The following ADAT2 variants were observed in gnomAD, a reference collection of about 807,000 sequenced individuals.
The protein encoded by ADAT2 is tRNA-specific adenosine-34 deaminase catalytic subunit ADAT2.
In ADAT2, 26 loss-of-function variants were observed where a neutral mutation model predicts 25.9. The ratio of observed to expected loss-of-function variants is 1.00; its 90% confidence interval spans 0.74 to 1.39. The LOEUF (loss-of-function observed/expected upper bound fraction) is 1.39. Ranked by LOEUF, ADAT2 falls within the 40% of genes most tolerant of loss-of-function variation. The pLI is 0.00. For missense variants in ADAT2, 220 were observed against 244.8 expected (o/e 0.90, Z 0.68); for synonymous variants, 76 against 86.8 (o/e 0.88, Z 0.69).
At chr6:143,448,021 G>T (rs891178798) in intron 1 of ADAT2, among the ~76,000 whole-genome samples, 3 of 152,156 alleles carry the variant, frequency 2.0e-5, no homozygotes, top group South Asian at 2.1e-4. Context: ...TTATAGACTG[G>T]ATTAAGCAAA....
intron 4 of ADAT2, among the ~76,000 whole-genome samples, chr6:143,430,544 T>C (rs1031866491): frequency 1.3e-5 from 2 of 151,410 alleles, no homozygotes; most frequent in African/African-American, 4.9e-5. Context: ...ATTTGTGGTG[T>C]TAATAAAAAG....
In ADAT2 at chr6:143,432,010, C is replaced by T. The variant is rs1422350157; in HGVS notation, c.459+495G>A. ...GGGAAATTTCAACATTAAAAAGACA[C>T]ACAAAAAAAGACATGAAAATACAGT... On this transcript the variant is annotated intron_variant, in intron 4 of 5. Transcript: ENST00000237283. The surrounding 1 kb of genome is among the most constrained non-coding windows in gnomAD (Gnocchi z 4.4). Among the ~76,000 whole-genome samples, 2 of 151,900 alleles carry T rather than the reference C, an allele frequency of 1.3e-5. No individual in the cohort carries two copies. The highest frequency in any genetic ancestry group is 2.9e-5 in the Non-Finnish European group (2 of 67,968).
At position 143,425,733 on chromosome 6, in the gene ADAT2, T is replaced by TGTGTGTGTGTGTGTGTGTGTGTG. The variant is rs1778912429; in HGVS notation, c.*2729_*2730insCACACACACACACACACACACAC. On this transcript the variant is annotated 3_prime_UTR_variant, in exon 6 of 6. Transcript: ENST00000237283. ...GGTAAAGGGCCATGGTGTGTTGTGT[T>TGTGTGTGTGTGTGTGTGTGTGTG]TGTGTGTGTGTGTGTGTGTGTGTGT... 5 of 136,586 alleles carry TGTGTGTGTGTGTGTGTGTGTGTG rather than the reference T, an allele frequency of 3.7e-5. No homozygotes were observed. Among genetic ancestry groups the TGTGTGTGTGTGTGTGTGTGTGTG allele is most frequent in the Admixed American group, 1.5e-4 (2 of 13,572 alleles). 8.5% of individuals were successfully genotyped at this position (136,586 alleles called of 1,614,324 possible). A position where few individuals can be genotyped will look rare whatever the true frequency, so the allele number is the denominator to read the frequency against.
intron 4 of ADAT2, among the ~76,000 whole-genome samples, chr6:143,429,930 C>A (rs2128738652): frequency 6.6e-6 from 1 of 152,312 alleles, no homozygotes; most frequent in East Asian, 1.9e-4. Context: ...AAGGCTGACA[C>A]CCTGCTCCTG....
In ADAT2 at chr6:143,432,569, C is replaced by T. The variant is rs1779146935; in HGVS notation, c.395G>A (p.Gly132Asp). 2 of 1,614,182 alleles carry T rather than the reference C, an allele frequency of 1.2e-6. No individual in the cohort carries two copies. Among genetic ancestry groups the T allele is most frequent in the South Asian group, 1.1e-5 (1 of 91,074 alleles). ...AATATTTAGAACAGAGCCACAACCA[C>T]CAAATCGTTCATTCTGACAGCCATA... is the stretch of plus-strand genomic sequence containing the variant. ...VVYGCQNERF[G>D]GCGSVLNIAS... Residue 132 changes from glycine to aspartate, a missense_variant, in exon 4 of 6, where the codon GGT (glycine) becomes GAT (aspartate). Gly to Asp is a moderately conservative substitution (Grantham distance 94). Transcript: ENST00000237283. The surrounding 1 kb of genome is among the most constrained non-coding windows in gnomAD (Gnocchi z 4.4).
Position 143,438,621 on chromosome 6 carries a change from T to G in ADAT2, c.170A>C (p.Lys57Thr). Residue 57 changes from lysine (K) to threonine (T), a missense_variant, in exon 2 of 6, where the codon AAG becomes ACG. Physicochemically the swap from Lys to Thr is moderately conservative, Grantham distance 78. Transcript: ENST00000237283. ...LMVYNNEVVG[K>T]GRNEVNQTKN... Reference sequence around the variant, plus strand: ...GGTTTGGTTAACTTCATTTCTCCCCTTCCCTACAACTTCATTGTTGTAGAC... The same window carrying G: ...GGTTTGGTTAACTTCATTTCTCCCCGTCCCTACAACTTCATTGTTGTAGAC... 6.2e-7 allele frequency: 1 copy of G among 1,613,382 alleles called. No homozygotes were observed. The highest frequency in any genetic ancestry group is 8.5e-7 in the Non-Finnish European group (1 of 1,179,426).
chr6:143,439,691 G>C (rs1295577476), intron 1 of ADAT2, among the ~76,000 whole-genome samples: 1 of 152,192 alleles, frequency 6.6e-6, no homozygotes, highest in Non-Finnish European at 1.5e-5. Context: ...AGGATGTGCA[G>C]ATTGATTGGG....
At chr6:143,449,583 C>A (rs988234302) in intron 1 of ADAT2, among the ~76,000 whole-genome samples, 3 of 152,188 alleles carry the variant, frequency 2.0e-5, no homozygotes. Context: ...GGCTACATGT[C>A]ACTGGGCAAC....
rs556146930 is a variant in ADAT2, at chr6:143,429,362, AAAAT to A, written c.460-682_460-679del. On this transcript the variant is annotated intron_variant, in intron 4 of 5. Transcript: ENST00000237283. ...CAACCCTTGCTACAGAGGATTTTAAAAAATAAAATACAGCTTGTTCTATCTTTAG... is the reference window on the plus strand; with the variant it reads ...CAACCCTTGCTACAGAGGATTTTAAAAAAATACAGCTTGTTCTATCTTTAG... 3.3e-3 allele frequency among the ~76,000 whole-genome samples: 508 copies of A among 152,344 alleles called. 1 individual carries two copies. Among genetic ancestry groups the A allele is most frequent in the Non-Finnish European group, 5.8e-3 (394 of 68,020 alleles).
rs903564188 is a variant in ADAT2 at position 143,437,277 on chromosome 6, C to G, written c.201+1313G>C. Among the ~76,000 whole-genome samples the G allele has an allele frequency of 6.6e-6, 1 of 152,192 alleles. No homozygotes were observed. The highest frequency in any genetic ancestry group is 1.5e-5 in the Non-Finnish European group (1 of 68,020). On this transcript the variant is annotated intron_variant, in intron 2 of 5. Coordinates refer to ENST00000237283, the MANE Select transcript of ADAT2 (RefSeq NM_182503.3). This position sits in a 1 kb window ranked among gnomAD's most constrained non-coding sequence, Gnocchi z 4.1. ...CCAGTGTTTGAACGTTTCCCATTCC[C>G]TAAAACTGTTCAAACATTAGATATC...
chr6:143,427,096 A>ACAC lies in ADAT2; in HGVS notation c.*1366_*1367insGTG, dbSNP rs1778954292. ...CCATAAAACTTTTCAAATGCAGTTA[A>ACAC]ACACACACACACACACACACACACA... On this transcript the variant is annotated 3_prime_UTR_variant, in exon 6 of 6. Transcript: ENST00000237283. 2.1e-5 allele frequency: 3 copies of ACAC among 140,176 alleles called. No individual in the cohort carries two copies. The highest frequency in any genetic ancestry group is 3.1e-5 in the Non-Finnish European group (2 of 64,902). 8.7% of individuals were successfully genotyped at this position (140,176 alleles called of 1,614,324 possible).
intron 1 of ADAT2, chr6:143,441,644 G>A (rs541574232): frequency 6.6e-6 from 1 of 152,178 alleles, no homozygotes; most frequent in Non-Finnish European, 1.5e-5. Flanking sequence ...TCCTCCCCAT[G>A]ATCCAAACTT....
rs141783725 is a variant in ADAT2 at position 143,439,960 on chromosome 6, G to A, written c.97-1266C>T. 1.2e-3 allele frequency among the ~76,000 whole-genome samples: 186 copies of A among 152,210 alleles called. 1 individual carries two copies. Among genetic ancestry groups the A allele is most frequent in the African/African-American group, 3.9e-3 (162 of 41,542 alleles). On this transcript the variant is annotated intron_variant, in intron 1 of 5. Coordinates refer to ENST00000237283, the MANE Select transcript of ADAT2 (RefSeq NM_182503.3). ...AAGTTCCCTTTATCACAGGCCATTCGTTTTTCTTCTTGTCCCATGATAGCA... is the reference window on the plus strand; with the variant it reads ...AAGTTCCCTTTATCACAGGCCATTCATTTTTCTTCTTGTCCCATGATAGCA...
rs768005661 is a variant in ADAT2, at chr6:143,446,145, G to A, written c.96+4418C>T. Among the ~76,000 whole-genome samples, 3 of 150,504 alleles carry A rather than the reference G, an allele frequency of 2.0e-5. No homozygotes were observed. Among genetic ancestry groups the A allele is most frequent in the African/African-American group, 7.3e-5 (3 of 41,008 alleles). ...ATAATCCCTGTTATTCTGAAGCAAC[G>A]GGGGTTTTTTCTGTTTTTTCCTATG... On this transcript the variant is annotated intron_variant, in intron 1 of 5. Coordinates refer to ENST00000237283, the MANE Select transcript of ADAT2 (RefSeq NM_182503.3). This position sits in a 1 kb window ranked among gnomAD's most constrained non-coding sequence, Gnocchi z 5.0.
chr6:143,436,606 G>T lies in ADAT2; in HGVS notation c.201+1984C>A, dbSNP rs1328812125. On this transcript the variant is annotated intron_variant, in intron 2 of 5. Transcript: ENST00000237283. The surrounding 1 kb of genome is among the most constrained non-coding windows in gnomAD (Gnocchi z 4.1). ...GAATGAGATGGAATTCACTGGGGCC[G>T]AGAGCAACATGAATGACCTGGTATC... is the stretch of plus-strand genomic sequence containing the variant. 4 of 407,458 alleles carry T rather than the reference G, an allele frequency of 9.8e-6. No individual in the cohort carries two copies. The highest frequency in any genetic ancestry group is 1.5e-5 in the Non-Finnish European group (3 of 201,022). The allele number at this position is 407,458 out of a possible 1,614,324, so 25.2% of individuals were successfully genotyped here.
intron 1 of ADAT2, among the ~76,000 whole-genome samples, chr6:143,443,731 T>C (rs1779523529): frequency 6.6e-6 from 1 of 151,432 alleles, no homozygotes; most frequent in African/African-American, 2.4e-5. Context: ...CTTGGGAGGC[T>C]GAGGCATGAG....
rs1281825949 is a variant in ADAT2, at chr6:143,450,655, C to G, written c.4G>C (p.Glu2Gln). M[E>Q]AKAAPKPAAS... is the part of the protein sequence containing the mutation. ...GCTGGCTTGGGTGCCGCCTTCGCCT[C>G]CATACCCAGCCACCACTCAGCTACA... is the stretch of plus-strand genomic sequence containing the variant. The change falls in exon 1 of 6, where the codon GAG becomes CAG. Residue 2 changes from glutamate (E) to glutamine (Q), a missense_variant. Glu to Gln is a conservative substitution (Grantham distance 29, BLOSUM62 2). Transcript: ENST00000237283. 1 of 1,613,120 alleles carries G rather than the reference C, an allele frequency of 6.2e-7. No homozygotes were observed. Among genetic ancestry groups the G allele is most frequent in the Non-Finnish European group, 8.5e-7 (1 of 1,180,006 alleles).
rs1779329984 is a variant in ADAT2 at position 143,437,636 on chromosome 6, T to C, written c.201+954A>G. ...TATTTTATGGCTAAAAATAAATAAGTAAATAAATGATTTGTGAATCTGGAT... is the reference window on the plus strand; with the variant it reads ...TATTTTATGGCTAAAAATAAATAAGCAAATAAATGATTTGTGAATCTGGAT... On this transcript the variant is annotated intron_variant, in intron 2 of 5. Transcript: ENST00000237283. This position sits in a 1 kb window ranked among gnomAD's most constrained non-coding sequence, Gnocchi z 4.1. 6.6e-6 allele frequency among the ~76,000 whole-genome samples: 1 copy of C among 152,218 alleles called. No homozygotes were observed. Among genetic ancestry groups the C allele is most frequent in the African/African-American group, 2.4e-5 (1 of 41,462 alleles).
At chr6:143,448,541 C>G (rs576734737) in intron 1 of ADAT2, among the ~76,000 whole-genome samples, 47 of 89,298 alleles carry the variant, frequency 5.3e-4, no homozygotes, top group Middle Eastern at 0.014. Context: ...CTCCTCCCAA[C>G]CAACAAACAC....
Sources: allele counts gnomAD v4.1 joint callset (sites outside exome capture counted in the v4.1 genomes callset), GRCh38; gene constraint gnomAD v4.1.1; non-coding constraint Gnocchi (gnomAD v3.1); transcripts MANE v1.5; gene names NCBI Gene and HGNC (gene_info 2026-07-23, HGNC 2026-07-21).